Variants in PCDHGB1 observed in about 807,000 individuals in gnomAD.
PCDHGB1 encodes protocadherin gamma-B1.
A neutral mutation model predicts 56.6 loss-of-function variants in PCDHGB1; 34 were observed. The ratio of observed to expected loss-of-function variants is 0.60; its 90% CI spans 0.46 to 0.80. The LOEUF is 0.80. Among genes scored for constraint, PCDHGB1 ranks in the 30% least tolerant of loss-of-function variants. PCDHGB1 has a pLI of 0.00. For synonymous variants in PCDHGB1, 561 were observed against 505.9 expected, an observed-to-expected ratio of 1.11 and a Z score of -1.46; for missense variants, 1,278 against 1,204.6, an observed-to-expected ratio of 1.06 and a Z score of -0.90.
Position 141,490,398 on chromosome 5 carries a change from C to A in PCDHGB1, c.2410-4409C>A. 1 of 1,614,168 alleles carries A rather than the reference C, an allele frequency of 6.2e-7. No homozygotes were observed. Among genetic ancestry groups the A allele is most frequent in the South Asian group, 1.1e-5 (1 of 91,088 alleles). On this transcript the variant is annotated intron_variant, in intron 1 of 3. Coordinates refer to ENST00000523390, the MANE Select transcript of PCDHGB1 (RefSeq NM_018922.3). This position sits in a 1 kb window ranked among gnomAD's most constrained non-coding sequence, Gnocchi z 5.4. ...ACTCAGGTAGAAATGGTGAAGTGAG[C>A]CTTGATATCTCTCCGGACCTGCCAT...
chr5:141,384,060 A>T (rs1453253478), intron 1 of PCDHGB1: 1 of 1,609,266 alleles, frequency 6.2e-7, no homozygotes, highest in South Asian at 1.1e-5. Context: ...GCACCATTCC[A>T]GAAAACCTAC....
intron 1 of PCDHGB1, among the ~76,000 whole-genome samples, chr5:141,387,521 C>G (rs1036909067): frequency 6.6e-6 from 1 of 152,188 alleles, no homozygotes; most frequent in Non-Finnish European, 1.5e-5. Flanking sequence ...ATTAAATATA[C>G]AGACGTATCC....
At position 141,372,407 on chromosome 5, in the gene PCDHGB1, A is replaced by G. The variant is rs1190545508; in HGVS notation, c.2409+19738A>G. 3.7e-6 allele frequency: 6 copies of G among 1,613,948 alleles called. No individual in the cohort carries two copies. In the Admixed American group the frequency reaches 6.7e-5, roughly 18 times the overall value. On this transcript the variant is annotated intron_variant, in intron 1 of 3. Coordinates refer to ENST00000523390, the MANE Select transcript of PCDHGB1 (RefSeq NM_018922.3). ...TCTTCGCAGATAGCTTGCAAGAGATACAACCTGACCTTAGCGACCGCCCCA... is the reference window on the plus strand; with the variant it reads ...TCTTCGCAGATAGCTTGCAAGAGATGCAACCTGACCTTAGCGACCGCCCCA...
At chr5:141,443,538 G>A (rs768723399) in intron 1 of PCDHGB1, among the ~76,000 whole-genome samples, 2 of 152,118 alleles carry the variant, frequency 1.3e-5, no homozygotes, top group African/African-American at 4.8e-5. Flanking sequence ...TTTAAAGCTT[G>A]GGAAATTGTT....
rs745638360 is a variant in PCDHGB1, at chr5:141,410,529, A to G, written c.2409+57860A>G. Reference sequence around the variant, plus strand: ...AAATGCAGTGTGCCCCTACATTCCAATGAAGACATGGTTTGCAGTGTTTCT... The same window carrying G: ...AAATGCAGTGTGCCCCTACATTCCAGTGAAGACATGGTTTGCAGTGTTTCT... On this transcript the variant is annotated intron_variant, in intron 1 of 3. Transcript: ENST00000523390. The G allele has an allele frequency of 3.1e-6, 5 of 1,613,804 alleles. No individual in the cohort carries two copies. The Admixed American group carries it at 5.0e-5, about 16-fold the overall frequency.
rs139832920 is a variant in PCDHGB1, at chr5:141,432,866, G to T, written c.2410-61941G>T. On this transcript the variant is annotated intron_variant, in intron 1 of 3. Coordinates refer to ENST00000523390, the MANE Select transcript of PCDHGB1 (RefSeq NM_018922.3). This position sits in a 1 kb window ranked among gnomAD's most constrained non-coding sequence, Gnocchi z 6.0. ...GGTAGCGGTGGCCGCGGTCTCCTGC[G>T]TCTTCCTGGCCTTCGTCATCTTGCT... The T allele has an allele frequency of 1.9e-6, 3 of 1,614,034 alleles. No individual in the cohort carries two copies. The African/African-American group carries it at 4.0e-5, about 22-fold the overall frequency.
intron 1 of PCDHGB1, chr5:141,423,051 C>T (rs200022455): frequency 1.7e-5 from 28 of 1,614,084 alleles, no homozygotes; most frequent in Non-Finnish European, 2.3e-5. Context: ...TGTCCTATCG[C>T]CTGCTTAAGG....
In PCDHGB1 at chr5:141,492,000, A is replaced by G; in HGVS notation, c.2410-2807A>G. On this transcript the variant is annotated intron_variant, in intron 1 of 3. Transcript: ENST00000523390. The surrounding 1 kb of genome is among the most constrained non-coding windows in gnomAD (Gnocchi z 6.9). Reference sequence around the variant, plus strand: ...TCGAGCTTCCGGTGAATTTCGGGCGATTTCCGCGGGTGTCGGGGGTCCCGG... The same window carrying G: ...TCGAGCTTCCGGTGAATTTCGGGCGGTTTCCGCGGGTGTCGGGGGTCCCGG... 1 of 659,856 alleles carries G rather than the reference A, an allele frequency of 1.5e-6. No homozygotes were observed. The highest frequency in any genetic ancestry group is 3.1e-5 in the South Asian group (1 of 32,438). 40.9% of individuals were successfully genotyped at this position (659,856 alleles called of 1,614,324 possible).
At position 141,356,765 on chromosome 5, in the gene PCDHGB1, A is replaced by C. The variant is rs1019076807; in HGVS notation, c.2409+4096A>C. The C allele has an allele frequency of 3.1e-6, 5 of 1,613,848 alleles. No homozygotes were observed. The African/African-American group carries it at 6.7e-5, about 22-fold the overall frequency. On this transcript the variant is annotated intron_variant, in intron 1 of 3. Transcript: ENST00000523390. The stretch of plus-strand genomic sequence containing the variant: ...CTATATGCTCTTTGCTCCTTCGACT[A>C]TGAGCAGTTTAGAGACCTGCAGCTG...
chr5:141,421,597 AT>A (rs2096587022), intron 1 of PCDHGB1: 1 of 1,613,878 alleles, frequency 6.2e-7, no homozygotes, highest in Non-Finnish European at 8.5e-7. Flanking sequence ...GGAGGTGGAA[AT>A]AATAGATATT....
intron 1 of PCDHGB1, chr5:141,355,859 C>G: frequency 6.2e-7 from 1 of 1,612,324 alleles, no homozygotes; most frequent in Non-Finnish European, 8.5e-7. Context: ...GGAGGTGACC[C>G]GGTTCGCTCT....
intron 1 of PCDHGB1, among the ~76,000 whole-genome samples, chr5:141,406,193 C>T (rs2094777569): frequency 1.3e-5 from 2 of 151,820 alleles, no homozygotes. Flanking sequence ...CCACCTCAGC[C>T]TTCACAGTAG....
At chr5:141,375,521 G>A in intron 1 of PCDHGB1, 1 of 1,613,994 alleles carries the variant, frequency 6.2e-7, no homozygotes, top group Non-Finnish European at 8.5e-7. Context: ...ACTGGACCCT[G>A]ACGTGGACCA....
rs57426385 is a variant in PCDHGB1 at position 141,415,740 on chromosome 5, G to GTTTTTTTTTTTTTT, written c.2409+63090_2409+63103dup. 1.9e-4 allele frequency: 117 copies of GTTTTTTTTTTTTTT among 625,018 alleles called. 7 individuals are homozygous for GTTTTTTTTTTTTTT. Among genetic ancestry groups the GTTTTTTTTTTTTTT allele is most frequent in the African/African-American group, 5.0e-4 (20 of 39,930 alleles). 38.7% of individuals were successfully genotyped at this position (625,018 alleles called of 1,614,324 possible). A position where few individuals can be genotyped will look rare whatever the true frequency, so the allele number is the denominator to read the frequency against. On this transcript the variant is annotated intron_variant, in intron 1 of 3. Coordinates refer to ENST00000523390, the MANE Select transcript of PCDHGB1 (RefSeq NM_018922.3). ...TGAGTAGAATTTGATGTTTATTAAGGTTTTTTTTTTTTTTTTTTTTTTTTT... is the reference window on the plus strand; with the variant it reads ...TGAGTAGAATTTGATGTTTATTAAGGTTTTTTTTTTTTTTTTTTTTTTTTTTTTTTTTTTTTTTT...
chr5:141,398,782 C>T (rs763578317), intron 1 of PCDHGB1: 1 of 1,613,908 alleles, frequency 6.2e-7, no homozygotes, highest in Non-Finnish European at 8.5e-7. Context: ...GGACGGTGGA[C>T]ATCCACCCCT....
At chr5:141,434,533 C>T (rs6862159) in intron 1 of PCDHGB1, among the ~76,000 whole-genome samples, 18,539 of 152,264 alleles carry the variant, frequency 0.12, 1,259 homozygotes, top group Non-Finnish European at 0.16. Flanking sequence ...AAACCACAAA[C>T]AATAGCATGA....
intron 1 of PCDHGB1, chr5:141,422,919 G>A (rs1445179310): frequency 3.7e-6 from 6 of 1,614,238 alleles, no homozygotes; most frequent in Non-Finnish European, 5.1e-6. Flanking sequence ...CCGAGATCCT[G>A]TACCCTGCCC....
At position 141,511,563 on chromosome 5, in the gene PCDHGB1, C is replaced by T. The variant is rs911782127; in HGVS notation, c.*390C>T. ...CCCCACTCCAACAGTTCCTCTTTCCCGAGTAAGGTGGTTGGGGTGTTGAAG... is the reference window on the plus strand; with the variant it reads ...CCCCACTCCAACAGTTCCTCTTTCCTGAGTAAGGTGGTTGGGGTGTTGAAG... On this transcript the variant is annotated 3_prime_UTR_variant, in exon 4 of 4. Coordinates refer to ENST00000523390, the MANE Select transcript of PCDHGB1 (RefSeq NM_018922.3). The T allele has an allele frequency of 7.8e-5, 23 of 295,048 alleles. No homozygotes were observed. The highest frequency in any genetic ancestry group is 3.4e-4 in the African/African-American group (16 of 46,532). The allele number at this position is 295,048 out of a possible 1,614,324, so 18.3% of individuals were successfully genotyped here. A position where few individuals can be genotyped will look rare whatever the true frequency, so the allele number is the denominator to read the frequency against.
In PCDHGB1 at chr5:141,432,085, G is replaced by A. The variant is rs144065251; in HGVS notation, c.2410-62722G>A. 2.2e-4 allele frequency: 353 copies of A among 1,614,164 alleles called. 1 individual carries two copies. The African/African-American group carries it at 4.2e-3, about 19-fold the overall frequency. ...CGGAAACTCATATCTCGCTGAACGT[G>A]GCAGACACCAACGACAACCCGCCGG... On this transcript the variant is annotated intron_variant, in intron 1 of 3. Transcript: ENST00000523390. This position sits in a 1 kb window ranked among gnomAD's most constrained non-coding sequence, Gnocchi z 6.0.
Sources: allele counts gnomAD v4.1 joint callset (sites outside exome capture counted in the v4.1 genomes callset), GRCh38; gene constraint gnomAD v4.1.1; non-coding constraint Gnocchi (gnomAD v3.1); transcripts MANE v1.5; gene names NCBI Gene and HGNC (gene_info 2026-07-23, HGNC 2026-07-21).